MYO16: variants seen among roughly 807,000 people sequenced by gnomAD.
The protein encoded by MYO16 is myosin XVI.
MYO16 carries 94 observed loss-of-function variants against 205.3 expected under a neutral mutation model. That is an observed-to-expected ratio of 0.46 (90% CI 0.39 to 0.54). The LOEUF (loss-of-function observed/expected upper bound fraction) is 0.54, where lower values mean the gene tolerates loss of function less well. MYO16 is among the 20% of genes least tolerant of loss of function. The pLI is 0.00. For missense variants in MYO16, 2,315 were observed against 2,387.5 expected (o/e 0.97, Z 0.63); for synonymous variants, 988 against 954.0 (o/e 1.04, Z -0.66).
intron 1 of MYO16, among the ~76,000 whole-genome samples, chr13:108,597,854 G>C (rs1878617870): frequency 6.6e-6 from 1 of 152,116 alleles, no homozygotes; most frequent in South Asian, 2.1e-4. Flanking sequence ...TTTCAAGATG[G>C]AAAACCAATT....
chr13:108,622,460 A>G (rs1414600639), intron 1 of MYO16, among the ~76,000 whole-genome samples: 3 of 152,142 alleles, frequency 2.0e-5, no homozygotes, highest in Admixed American at 2.0e-4. Flanking sequence ...GGGACAACCC[A>G]CTAGAGGAGC....
At chr13:108,664,204 G>A (rs547363398) in intron 1 of MYO16, among the ~76,000 whole-genome samples, 10 of 152,232 alleles carry the variant, frequency 6.6e-5, no homozygotes, top group South Asian at 2.1e-4. Context: ...ATACTAAAAC[G>A]TATAGCTTCT....
intron 16 of MYO16, among the ~76,000 whole-genome samples, chr13:108,919,753 G>C (rs1370710517): frequency 1.3e-5 from 2 of 152,118 alleles, no homozygotes; most frequent in African/African-American, 4.8e-5. Context: ...AAGGCATGTT[G>C]GTCTACGTCC....
At chr13:109,028,842 G>A (rs1161299069) in intron 23 of MYO16, among the ~76,000 whole-genome samples, 2 of 151,624 alleles carry the variant, frequency 1.3e-5, no homozygotes, top group East Asian at 1.9e-4. Flanking sequence ...TCACTAAAAC[G>A]TTGCTGATGG....
intron 11 of MYO16, among the ~76,000 whole-genome samples, chr13:108,862,996 A>G (rs986563662): frequency 6.6e-6 from 1 of 152,098 alleles, no homozygotes; most frequent in Admixed American, 6.6e-5. Context: ...AGAAGAAAAA[A>G]TTATTTTCTA....
intron 20 of MYO16, among the ~76,000 whole-genome samples, chr13:108,984,283 G>T (rs1366221054): frequency 6.6e-6 from 1 of 152,124 alleles, no homozygotes; most frequent in African/African-American, 2.4e-5. Flanking sequence ...ATCACTCTTA[G>T]AAATCCTCAT....
intron 16 of MYO16, among the ~76,000 whole-genome samples, chr13:108,941,999 G>T (rs181813632): frequency 6.6e-6 from 1 of 152,150 alleles, no homozygotes; most frequent in Non-Finnish European, 1.5e-5. Context: ...ATTTAATTAT[G>T]CATACATACA....
chr13:108,848,916 T>C (rs1470942459), intron 10 of MYO16, among the ~76,000 whole-genome samples: 1 of 152,190 alleles, frequency 6.6e-6, no homozygotes, highest in East Asian at 1.9e-4. Flanking sequence ...TAAGATCCGC[T>C]AAAACTTTCT....
chr13:108,649,811 T>C (rs746845617), intron 1 of MYO16, among the ~76,000 whole-genome samples: 44 of 152,348 alleles, frequency 2.9e-4, no homozygotes, highest in Non-Finnish European at 5.9e-4. Flanking sequence ...GAGAAACTTA[T>C]CTGTGAATTG....
the MYO16 span, among the ~76,000 whole-genome samples, chr13:108,531,580 G>A: frequency 0.087 from 13,229 of 151,938 alleles, 722 homozygotes; most frequent in East Asian, 0.15. Context: ...TACTGAGACA[G>A]GAAACATGAA....
intron 1 of MYO16, chr13:108,659,373 T>C (rs1772379294): frequency 6.9e-6 from 3 of 435,066 alleles, no homozygotes; most frequent in Non-Finnish European, 1.4e-5. Flanking sequence ...GGTATAGATA[T>C]ATAACTAGAT....
At chr13:109,181,641 G>C (rs1420254726) in intron 34 of MYO16, among the ~76,000 whole-genome samples, 1 of 152,002 alleles carries the variant, frequency 6.6e-6, no homozygotes, top group Non-Finnish European at 1.5e-5. Context: ...GGTAGATAAA[G>C]AAAAGAGAAA....
At chr13:108,581,637 G>A in the MYO16 span, among the ~76,000 whole-genome samples, 1 of 152,006 alleles carries the variant, frequency 6.6e-6, no homozygotes, top group Non-Finnish European at 1.5e-5. Context: ...TGTAATCCCA[G>A]CACTTTGGGA....
intron 14 of MYO16, among the ~76,000 whole-genome samples, chr13:108,896,412 A>G (rs1296457849): frequency 6.6e-6 from 1 of 152,182 alleles, no homozygotes; most frequent in Non-Finnish European, 1.5e-5. Context: ...CATCACTGCT[A>G]TCAATTTACT....
At chr13:108,604,899 A>T (rs994005078) in intron 1 of MYO16, among the ~76,000 whole-genome samples, 4 of 152,144 alleles carry the variant, frequency 2.6e-5, no homozygotes, top group Admixed American at 6.6e-5. Context: ...AAATGGCTGG[A>T]TGCATAGTTG....
intron 23 of MYO16, among the ~76,000 whole-genome samples, chr13:109,034,338 G>T (rs962505683): frequency 2.0e-5 from 3 of 152,204 alleles, no homozygotes; most frequent in African/African-American, 7.2e-5. Context: ...CCAGGTGGAG[G>T]TGATTGAATC....
chr13:108,907,213 G>A (rs978370955), intron 15 of MYO16, among the ~76,000 whole-genome samples: 1 of 151,988 alleles, frequency 6.6e-6, no homozygotes, highest in Admixed American at 6.6e-5. Context: ...TTTATATAAT[G>A]AACAAAAGCT....
At chr13:108,550,336 A>G in the MYO16 span, among the ~76,000 whole-genome samples, 1 of 152,244 alleles carries the variant, frequency 6.6e-6, no homozygotes, top group African/African-American at 2.4e-5. Flanking sequence ...CTTGAATATC[A>G]CTTGTGGGTA....
At chr13:109,009,073 A>G (rs1885505589) in intron 22 of MYO16, 24 bp downstream of exon 22, 1 of 1,544,194 alleles carries the variant, frequency 6.5e-7, no homozygotes. Flanking sequence ...ATAATTAGAT[A>G]CTTAACAGGA....
Sources: gnomAD v4.1 joint callset for allele counts (sites outside exome capture counted in the v4.1 genomes callset) on GRCh38, gnomAD v4.1.1 for gene constraint, MANE v1.5 for transcripts, NCBI Gene and HGNC (gene_info 2026-07-23, HGNC 2026-07-21) for gene names.